The following KLHL13 variants were observed in gnomAD, a reference collection of about 807,000 sequenced individuals.
KLHL13 encodes kelch like family member 13.
Under a neutral mutation model 37.1 loss-of-function variants are expected in KLHL13, and 10 were observed. The ratio of observed to expected loss-of-function variants is 0.27; its 90% CI spans 0.17 to 0.46. The LOEUF is 0.46. Ranked by LOEUF, KLHL13 falls within the 20% of genes least tolerant of loss-of-function variation. The pLI, the probability that KLHL13 is intolerant of heterozygous loss-of-function variation, is 1.00. For missense variants in KLHL13, 360 were observed against 509.3 expected (o/e 0.71, Z 2.82); for synonymous variants, 163 against 181.2 (o/e 0.90, Z 0.81).
At chrX:118,049,973 A>C (rs959654140) in intron 1 of KLHL13, among the ~76,000 whole-genome samples, 2 of 112,640 alleles carry the variant, frequency 1.8e-5, no homozygotes, top group Non-Finnish European at 3.8e-5. Flanking sequence ...CTATCATTGT[A>C]CTTCATGTTG....
At chrX:118,078,462 T>C (rs2054951674) in intron 1 of KLHL13, among the ~76,000 whole-genome samples, 1 of 111,621 alleles carries the variant, frequency 9.0e-6, no homozygotes, top group Non-Finnish European at 1.9e-5. Context: ...TTTCTGTCCC[T>C]ATAATTTTGC....
intron 1 of KLHL13, among the ~76,000 whole-genome samples, chrX:118,004,824 C>T (rs2053963734): frequency 9.0e-6 from 1 of 111,418 alleles, no homozygotes; most frequent in African/African-American, 3.3e-5. Flanking sequence ...ATATCAGGTG[C>T]CACCTGATAG....
At chrX:117,980,377 G>A (rs991627072) in intron 1 of KLHL13, among the ~76,000 whole-genome samples, 1 of 111,603 alleles carries the variant, frequency 9.0e-6, no homozygotes. Context: ...CTTTAGAAGA[G>A]TATATTTTCT....
chrX:117,966,457 T>A (rs1441630557), intron 1 of KLHL13, among the ~76,000 whole-genome samples: 2 of 111,130 alleles, frequency 1.8e-5, no homozygotes, highest in East Asian at 5.6e-4. Context: ...GTAGGAAGAA[T>A]CAATATCATG....
intron 1 of KLHL13, among the ~76,000 whole-genome samples, chrX:118,060,319 T>C (rs1423888070): frequency 9.0e-6 from 1 of 111,366 alleles, no homozygotes; most frequent in East Asian, 2.8e-4. Flanking sequence ...ACTATGACTT[T>C]GTAAAGTGTT....
chrX:118,006,163 T>A (rs943583240), intron 1 of KLHL13, among the ~76,000 whole-genome samples: 1 of 111,669 alleles, frequency 9.0e-6, no homozygotes, highest in Non-Finnish European at 1.9e-5. Flanking sequence ...GAAAAGAAAC[T>A]ACTGGAACTA....
At chrX:118,025,684 G>A (rs2054267082) in intron 1 of KLHL13, among the ~76,000 whole-genome samples, 1 of 111,812 alleles carries the variant, frequency 8.9e-6, no homozygotes, top group Non-Finnish European at 1.9e-5. Context: ...CAGAACACAC[G>A]TTTTAACTAC....
At chrX:117,949,633 C>T (rs950529975) in intron 1 of KLHL13, among the ~76,000 whole-genome samples, 10 of 111,835 alleles carry the variant, frequency 8.9e-5, no homozygotes, top group African/African-American at 3.2e-4. Flanking sequence ...ATAAATCCCA[C>T]GACAATCCAC....
At chrX:117,973,158 T>C (rs969439341) in exon 1 of KLHL13, 5 of 395,997 alleles carry the variant, frequency 1.3e-5, no homozygotes, top group African/African-American at 8.6e-5. Context: ...GCAGCCAGGC[T>C]TTTTTTTTTT....
chrX:117,903,168 A>AG (rs1569409138), intron 5 of KLHL13, among the ~76,000 whole-genome samples: 7 of 99,329 alleles, frequency 7.0e-5, no homozygotes, highest in African/African-American at 2.6e-4. Flanking sequence ...AGAGAGAGAG[A>AG]GAGAGGAGAG....
At chrX:118,019,363 T>G (rs192692819) in intron 1 of KLHL13, among the ~76,000 whole-genome samples, 133 of 111,220 alleles carry the variant, frequency 1.2e-3, no homozygotes, top group African/African-American at 4.3e-3. Flanking sequence ...TGTAAATTTG[T>G]TTGAGCTCAT....
intron 1 of KLHL13, among the ~76,000 whole-genome samples, chrX:118,038,677 T>C (rs1417993724): frequency 9.0e-6 from 1 of 111,708 alleles, no homozygotes; most frequent in African/African-American, 3.3e-5. Flanking sequence ...CCTGCTACCA[T>C]GGGCTAAAGC....
Position 117,924,002 on chromosome X carries a change from G to GT in KLHL13, c.241-3633dup, listed in dbSNP as rs1408425341. On this transcript the variant is annotated intron_variant, in intron 2 of 6. Transcript: ENST00000262820. ...TACCTTTGGCAAGTTATCTGCTTTT[G>GT]TAAGGTTTTACATTTATTTTCACAA... Among the ~76,000 whole-genome samples, 4 of 111,521 alleles carry GT rather than the reference G, an allele frequency of 3.6e-5. No homozygotes were observed. In the South Asian group the frequency reaches 1.1e-3, roughly 31 times the overall value.
chrX:118,050,748 ACTGAGCC>A (rs1308597193), intron 1 of KLHL13, among the ~76,000 whole-genome samples: 34 of 112,332 alleles, frequency 3.0e-4, no homozygotes, highest in African/African-American at 1.1e-3. Context: ...TATGTAATCC[ACTGAGCC>A]CTGATACACA....
chrX:118,101,141 A>C (rs1162657447), intron 1 of KLHL13, among the ~76,000 whole-genome samples: 2 of 111,685 alleles, frequency 1.8e-5, no homozygotes, highest in Admixed American at 9.6e-5. Flanking sequence ...TATAATTCAT[A>C]TATTAATCAT....
chrX:118,062,257 G>A (rs1016768836), intron 1 of KLHL13, among the ~76,000 whole-genome samples: 1 of 110,579 alleles, frequency 9.0e-6, no homozygotes, highest in African/African-American at 3.3e-5. Flanking sequence ...TGAGAATATC[G>A]TACTTCCTCA....
chrX:118,048,150 G>C (rs866512513), intron 1 of KLHL13, among the ~76,000 whole-genome samples: 2 of 111,461 alleles, frequency 1.8e-5, no homozygotes, highest in Non-Finnish European at 3.8e-5. Flanking sequence ...ATAGAGAGTA[G>C]AGAAATGGGT....
At chrX:118,091,232 A>G (rs1470379857) in intron 1 of KLHL13, among the ~76,000 whole-genome samples, 1 of 110,588 alleles carries the variant, frequency 9.0e-6, no homozygotes, top group Non-Finnish European at 1.9e-5. Context: ...TACATATGTG[A>G]CAAACCTGCA....
Position 118,022,181 on chromosome X carries a change from C to G in KLHL13, c.-55-76606G>C, listed in dbSNP as rs1039748727. ...AAAAATTTTCTCTAGGCATTATCTC[C>G]TTTTTAAAAGACTGAATAATATCCC... On this transcript the variant is annotated intron_variant, in intron 1 of 6. Coordinates refer to the KLHL13 transcript ENST00000371882. Among the ~76,000 whole-genome samples, 21 of 111,834 alleles carry G rather than the reference C, an allele frequency of 1.9e-4. No individual in the cohort carries two copies. The Admixed American group carries it at 2.0e-3, about 11-fold the overall frequency.
Sources: allele counts gnomAD v4.1 joint callset (sites outside exome capture counted in the v4.1 genomes callset), GRCh38; gene constraint gnomAD v4.1.1; transcripts MANE v1.5; gene names NCBI Gene and HGNC (gene_info 2026-07-23, HGNC 2026-07-21).